The following STK32C variants were observed in gnomAD, a reference collection of about 807,000 sequenced individuals.
STK32C encodes serine/threonine kinase 32C.
In STK32C, 31 loss-of-function variants were observed where a neutral mutation model predicts 56.5. The observed-to-expected ratio is 0.55, with a 90% CI of 0.41 to 0.74. The LOEUF (loss-of-function observed/expected upper bound fraction) is 0.74, where lower values mean the gene tolerates loss of function less well. Among genes scored for constraint, STK32C ranks in the 30% least tolerant of loss-of-function variants. The pLI is 0.00. For missense variants in STK32C, 544 were observed against 676.9 expected (o/e 0.80, Z 2.18); for synonymous variants, 309 against 289.4 (o/e 1.07, Z -0.69).
chr10:132,223,306 G>T (rs1331184272), intron 8 of STK32C, among the ~76,000 whole-genome samples: 4 of 152,198 alleles, frequency 2.6e-5, no homozygotes, highest in Admixed American at 2.6e-4. Context: ...GGCCCGGCTA[G>T]CGGCTAACAC....
At chr10:132,225,414 G>A (rs2062853352) in intron 6 of STK32C, 78 bp from the exon 7 acceptor site, 1 of 1,585,118 alleles carries the variant, frequency 6.3e-7, no homozygotes, top group South Asian at 1.1e-5. Flanking sequence ...GGCACCTTGA[G>A]GCCACATCCC....
At chr10:132,220,967 G>C (rs2062618623) in intron 10 of STK32C, among the ~76,000 whole-genome samples, 1 of 152,254 alleles carries the variant, frequency 6.6e-6, no homozygotes, top group Non-Finnish European at 1.5e-5. Context: ...GGAGCTGCAG[G>C]AGACAGAGTA....
chr10:132,270,791 A>C (rs2064792512), intron 1 of STK32C, among the ~76,000 whole-genome samples: 1 of 152,178 alleles, frequency 6.6e-6, no homozygotes, highest in Admixed American at 6.5e-5. Context: ...TCAGAGCTCC[A>C]TCCTGGCCAC....
intron 2 of STK32C, among the ~76,000 whole-genome samples, chr10:132,238,135 A>G (rs114790590): frequency 0.014 from 2,197 of 152,158 alleles, 67 homozygotes; most frequent in African/African-American, 0.048. Flanking sequence ...TCCTCCCACC[A>G]TCTGGCCAGG....
chr10:132,234,140 A>G (rs2063193629), intron 2 of STK32C, among the ~76,000 whole-genome samples: 1 of 152,024 alleles, frequency 6.6e-6, no homozygotes, highest in African/African-American at 2.4e-5. Flanking sequence ...CAAGGCTCTT[A>G]ACACCTTGCC....
intron 1 of STK32C, among the ~76,000 whole-genome samples, chr10:132,318,621 CAA>C (rs1289169803): frequency 1.7e-5 from 2 of 117,498 alleles, no homozygotes; most frequent in African/African-American, 3.1e-5. Flanking sequence ...CCTCAAAAAA[CAA>C]AAAAAAAAAG....
chr10:132,244,308 G>A (rs967310157), intron 2 of STK32C, among the ~76,000 whole-genome samples: 4 of 152,184 alleles, frequency 2.6e-5, no homozygotes, highest in African/African-American at 4.8e-5. Context: ...TTCCACAGCC[G>A]CCCATTTCTG....
At chr10:132,254,835 G>A (rs905865531) in intron 1 of STK32C, among the ~76,000 whole-genome samples, 3 of 152,194 alleles carry the variant, frequency 2.0e-5, no homozygotes, top group Non-Finnish European at 4.4e-5. Context: ...AATCAGCTCT[G>A]CTCCTGACAC....
chr10:132,277,349 T>C (rs909494293), intron 1 of STK32C, among the ~76,000 whole-genome samples: 1 of 152,230 alleles, frequency 6.6e-6, no homozygotes, highest in African/African-American at 2.4e-5. Context: ...CAGCCCACCA[T>C]TCCTGTGCGG....
intron 4 of STK32C, 45 bp downstream of exon 4, chr10:132,226,750 C>A: frequency 1.3e-6 from 2 of 1,594,894 alleles, no homozygotes; most frequent in Non-Finnish European, 1.7e-6. Flanking sequence ...CTGCTTCAGC[C>A]CCGCCCACCT....
At chr10:132,208,376 C>G (rs1401184034) in intron 11 of STK32C, among the ~76,000 whole-genome samples, 7 of 152,320 alleles carry the variant, frequency 4.6e-5, no homozygotes, top group African/African-American at 1.7e-4. Flanking sequence ...GTGTTTCCAG[C>G]CAGAAGCCGA....
Position 132,307,219 on chromosome 10 carries a change from G to C in STK32C, c.262+353C>G, listed in dbSNP as rs184070386. On this transcript the variant is annotated intron_variant, in intron 1 of 11. Transcript: ENST00000298630. This position sits in a 1 kb window ranked among gnomAD's most constrained non-coding sequence, Gnocchi z 4.4. The stretch of plus-strand genomic sequence containing the variant: ...GCCTCTCTAACTGCAAAGTACAAAC[G>C]AGCCCGCACGTGGGCCCGAGCGGAT... The C allele has an allele frequency of 3.8e-3, 695 of 180,542 alleles. 4 individuals are homozygous for C. The highest frequency in any genetic ancestry group is 0.016 in the African/African-American group (664 of 42,210). 11.2% of individuals were successfully genotyped at this position (180,542 alleles called of 1,614,324 possible).
intron 1 of STK32C, chr10:132,330,458 A>T: frequency 1.4e-6 from 1 of 717,114 alleles, no homozygotes; most frequent in Non-Finnish European, 2.6e-6. Flanking sequence ...CACGCTCCTG[A>T]GAAGGTACTG....
chr10:132,257,149 C>CA (rs2064150861), intron 1 of STK32C, among the ~76,000 whole-genome samples: 2 of 152,136 alleles, frequency 1.3e-5, no homozygotes, highest in African/African-American at 2.4e-5. Flanking sequence ...GCTGGGTCCT[C>CA]AGGGGGGTGA....
chr10:132,222,844 G>T lies in STK32C; in HGVS notation c.1119+17C>A. The T allele has an allele frequency of 6.3e-7, 1 of 1,589,808 alleles. No homozygotes were observed. Among genetic ancestry groups the T allele is most frequent in the Non-Finnish European group, 8.6e-7 (1 of 1,169,580 alleles). ...TCCATCCCCAGGGCCCCCCACCTGA[G>T]CCGCCCACAGGCTTACGTTGGGCAC... is the stretch of plus-strand genomic sequence containing the variant. On this transcript the variant is annotated intron_variant, in intron 9 of 11. Transcript: ENST00000298630.
chr10:132,268,556 T>C (rs2064686734), intron 1 of STK32C, among the ~76,000 whole-genome samples: 1 of 146,932 alleles, frequency 6.8e-6, no homozygotes, highest in African/African-American at 2.5e-5. Context: ...TGTGTGTGTG[T>C]GTGTGCCTGC....
intron 11 of STK32C, among the ~76,000 whole-genome samples, chr10:132,208,406 G>GC (rs1388822449): frequency 6.6e-6 from 1 of 152,214 alleles, no homozygotes; most frequent in African/African-American, 2.4e-5. Context: ...CTGTGCAGGT[G>GC]CCATAGGTCA....
intron 1 of STK32C, among the ~76,000 whole-genome samples, chr10:132,299,886 T>G (rs1475549970): frequency 6.6e-6 from 1 of 152,234 alleles, no homozygotes; most frequent in Non-Finnish European, 1.5e-5. Context: ...ACAGAGGCTC[T>G]GAGGTCAGAC....
chr10:132,215,160 A>G (rs745735848), intron 10 of STK32C, among the ~76,000 whole-genome samples: 1 of 152,278 alleles, frequency 6.6e-6, no homozygotes, highest in Admixed American at 6.5e-5. Flanking sequence ...CTGGTATCAC[A>G]GGTGTATCCC....
Sources: allele counts gnomAD v4.1 joint callset (sites outside exome capture counted in the v4.1 genomes callset), GRCh38; gene constraint gnomAD v4.1.1; non-coding constraint Gnocchi (gnomAD v3.1); transcripts MANE v1.5; gene names NCBI Gene and HGNC (gene_info 2026-07-23, HGNC 2026-07-21).